NMBR: variants seen among roughly 807,000 people sequenced by gnomAD.
NMBR encodes the protein neuromedin-B receptor.
In NMBR, 16 loss-of-function variants were observed where a neutral mutation model predicts 20.5. The ratio of observed to expected loss-of-function variants is 0.78; its 90% CI spans 0.53 to 1.19. The LOEUF (loss-of-function observed/expected upper bound fraction) is 1.19. Ranked by LOEUF, NMBR falls within the 50% of genes most tolerant of loss-of-function variation. The probability of loss-of-function intolerance (pLI) is 0.00; values close to 1 mark genes in which losing one functional copy is unlikely to be tolerated. For missense variants in NMBR, 582 were observed against 499.1 expected, an observed-to-expected ratio of 1.17 and a Z score of -1.58; for synonymous variants, 212 against 196.6, an observed-to-expected ratio of 1.08 and a Z score of -0.65.
At chr6:142,117,777 C>G (rs1255356392) in intron 1 of NMBR, among the ~76,000 whole-genome samples, 2 of 151,726 alleles carry the variant, frequency 1.3e-5, no homozygotes, top group Non-Finnish European at 2.9e-5. Flanking sequence ...CAGTATATAC[C>G]AAAATTAAGA....
rs770631729 is a variant in NMBR, at chr6:142,078,627, A to G, written c.699T>C (p.Tyr233=). The G allele has an allele frequency of 6.2e-7, 1 of 1,613,270 alleles. No homozygotes were observed. Among genetic ancestry groups the G allele is most frequent in the Non-Finnish European group, 8.5e-7 (1 of 1,179,300 alleles). ...TTTTAATTAAGGTCTTTGCAATATGATAATAATAAATGCTAATAATAGCAA... is the reference window on the plus strand; with the variant it reads ...TTTTAATTAAGGTCTTTGCAATATGGTAATAATAAATGCTAATAATAGCAA... ...IPLAIISIYY[Y]HIAKTLIKSA... is the part of the protein sequence containing the mutation. Residue 233 remains tyrosine (Y), a synonymous_variant, in exon 3 of 4, where the codon TAT becomes TAC. Transcript: ENST00000258042.
chr6:142,088,917 AGC>A lies in NMBR; in HGVS notation c.-261_-260del. 1 of 357,478 alleles carries A rather than the reference AGC, an allele frequency of 2.8e-6. No individual in the cohort carries two copies. 22.1% of individuals were successfully genotyped at this position (357,478 alleles called of 1,614,324 possible). A position where few individuals can be genotyped will look rare whatever the true frequency, so the allele number is the denominator to read the frequency against. On this transcript the variant is annotated 5_prime_UTR_variant, in exon 2 of 4. Coordinates refer to ENST00000258042, the MANE Select transcript of NMBR (RefSeq NM_002511.4). ...GAATTTAAATTAAAAAAAAAAAAAAAGCAAAGCGGTTGCGTCTTTGTTCCGTA... is the reference window on the plus strand; with the variant it reads ...GAATTTAAATTAAAAAAAAAAAAAAAAAAGCGGTTGCGTCTTTGTTCCGTA...
At chr6:142,129,014 T>C (rs1778091637) in intron 1 of NMBR, among the ~76,000 whole-genome samples, 1 of 117,620 alleles carries the variant, frequency 8.5e-6, no homozygotes, top group African/African-American at 2.7e-5. Flanking sequence ...ATAACATTTA[T>C]GCATTAATTT....
intron 1 of NMBR, among the ~76,000 whole-genome samples, chr6:142,119,711 A>C (rs1372191101): frequency 6.6e-6 from 1 of 151,962 alleles, no homozygotes; most frequent in Non-Finnish European, 1.5e-5. Context: ...GGAAAATTGA[A>C]ACCCAGAAAA....
At chr6:142,146,446 G>A (rs917467466) in intron 1 of NMBR, among the ~76,000 whole-genome samples, 27 of 152,330 alleles carry the variant, frequency 1.8e-4, no homozygotes, top group African/African-American at 6.5e-4. Context: ...AAGGGATGGA[G>A]AGGAGAGGAA....
At position 142,122,796 on chromosome 6, in the gene NMBR, A is replaced by G. The variant is rs181238955; in HGVS notation, c.-664+24248T>C. ...TATCTGTTTACAGTATAGTTTACTG[A>G]ATATTTTAAATGCACTATTGAGACT... On this transcript the variant is annotated intron_variant, in intron 1 of 3. Transcript: ENST00000258042. 5.9e-4 allele frequency among the ~76,000 whole-genome samples: 90 copies of G among 152,048 alleles called. 1 individual carries two copies. The highest frequency in any genetic ancestry group is 2.0e-3 in the African/African-American group (83 of 41,538).
intron 1 of NMBR, among the ~76,000 whole-genome samples, chr6:142,108,491 A>C (rs1230612565): frequency 6.6e-6 from 1 of 152,196 alleles, no homozygotes; most frequent in East Asian, 1.9e-4. Flanking sequence ...GAAACTTACA[A>C]TCATGAGAGA....
intron 1 of NMBR, among the ~76,000 whole-genome samples, chr6:142,112,411 TA>T (rs1350345267): frequency 1.3e-5 from 2 of 151,808 alleles, no homozygotes; most frequent in East Asian, 1.9e-4. Context: ...AAAGATGCTT[TA>T]TTTTTTTCAA....
intron 1 of NMBR, among the ~76,000 whole-genome samples, chr6:142,112,034 A>G (rs570984643): frequency 6.6e-6 from 1 of 152,334 alleles, no homozygotes; most frequent in African/African-American, 2.4e-5. Context: ...GAGTAAAAAA[A>G]TAGTAATTTT....
intron 1 of NMBR, among the ~76,000 whole-genome samples, chr6:142,115,723 C>T (rs905946046): frequency 9.2e-5 from 14 of 151,982 alleles, no homozygotes; most frequent in South Asian, 2.1e-4. Flanking sequence ...AGTTGTTTTT[C>T]GGTTCCTAGA....
intron 1 of NMBR, among the ~76,000 whole-genome samples, chr6:142,123,891 C>T (rs1334534104): frequency 1.3e-5 from 2 of 151,832 alleles, no homozygotes; most frequent in Admixed American, 6.6e-5. Flanking sequence ...AATACCACAT[C>T]GGATATTTTT....
At position 142,086,571 on chromosome 6, in the gene NMBR, A is replaced by T. The variant is rs191864662; in HGVS notation, c.422+1666T>A. Among the ~76,000 whole-genome samples, 84 of 152,260 alleles carry T rather than the reference A, an allele frequency of 5.5e-4. 1 individual carries two copies. The highest frequency in any genetic ancestry group is 1.9e-3 in the African/African-American group (77 of 41,562). On this transcript the variant is annotated intron_variant, in intron 2 of 3. Coordinates refer to ENST00000258042, the MANE Select transcript of NMBR (RefSeq NM_002511.4). The stretch of plus-strand genomic sequence containing the variant: ...TTCCTAGTTTATATTTCCTAAACAC[A>T]CACTGGTAGACAAGGGTAGCCTACG...
At chr6:142,132,217 A>C (rs1043991178) in intron 1 of NMBR, among the ~76,000 whole-genome samples, 2 of 152,236 alleles carry the variant, frequency 1.3e-5, no homozygotes, top group Non-Finnish European at 2.9e-5. Flanking sequence ...AGATCACAAG[A>C]AAATGAGAAA....
intron 1 of NMBR, among the ~76,000 whole-genome samples, chr6:142,097,003 T>C (rs2114576614): frequency 6.6e-6 from 1 of 152,194 alleles, no homozygotes; most frequent in South Asian, 2.1e-4. Flanking sequence ...ACCCCTGCCT[T>C]TTTTTGTTTT....
chr6:142,088,727 G>A lies in NMBR; in HGVS notation c.-69C>T. On this transcript the variant is annotated 5_prime_UTR_variant, in exon 2 of 4. Coordinates refer to ENST00000258042, the MANE Select transcript of NMBR (RefSeq NM_002511.4). ...GGTGCCCTGAGGACTGAACGCCCAC[G>A]ATTTAGGTTTAATCGATGTCCCTCC... is the stretch of plus-strand genomic sequence containing the variant. 1 of 1,400,856 alleles carries A rather than the reference G, an allele frequency of 7.1e-7. No individual in the cohort carries two copies. Among genetic ancestry groups the A allele is most frequent in the Non-Finnish European group, 9.7e-7 (1 of 1,033,376 alleles). 86.8% of individuals were successfully genotyped at this position (1,400,856 alleles called of 1,614,324 possible).
At chr6:142,133,858 T>A (rs758652886) in intron 1 of NMBR, 1 of 690,568 alleles carries the variant, frequency 1.4e-6, no homozygotes, top group Non-Finnish European at 2.7e-6. Context: ...AGGTTAAACC[T>A]CCAACTGTGA....
intron 1 of NMBR, among the ~76,000 whole-genome samples, chr6:142,111,831 G>A (rs1006200727): frequency 2.0e-5 from 3 of 152,106 alleles, no homozygotes; most frequent in Non-Finnish European, 2.9e-5. Context: ...TGGTAAGATG[G>A]CTCCCAAATA....
chr6:142,079,580 A>G (rs574179063), intron 2 of NMBR, among the ~76,000 whole-genome samples: 1 of 152,306 alleles, frequency 6.6e-6, no homozygotes, highest in Admixed American at 6.5e-5. Context: ...ATACTTTTCC[A>G]TAGCTTCTGA....
At chr6:142,109,692 G>A (rs147474396) in intron 1 of NMBR, among the ~76,000 whole-genome samples, 3 of 152,130 alleles carry the variant, frequency 2.0e-5, no homozygotes, top group Non-Finnish European at 2.9e-5. Flanking sequence ...GAAATGCTAC[G>A]ATCTGAATGT....
Sources: gnomAD v4.1 joint callset for allele counts (sites outside exome capture counted in the v4.1 genomes callset) on GRCh38, gnomAD v4.1.1 for gene constraint, MANE v1.5 for transcripts, NCBI Gene and HGNC (gene_info 2026-07-23, HGNC 2026-07-21) for gene names.